The following TMEM230 variants were observed in gnomAD, a reference collection of about 807,000 sequenced individuals.
The protein encoded by TMEM230 is UPF0414 transmembrane protein C20orf30.
Under a neutral mutation model 15.8 loss-of-function variants are expected in TMEM230, and 10 were observed. That is an observed-to-expected ratio of 0.63 (90% confidence interval 0.39 to 1.07). The LOEUF is 1.07. Ranked by LOEUF, TMEM230 falls within the 50% of genes least tolerant of loss-of-function variation. The pLI, the probability that TMEM230 is intolerant of heterozygous loss-of-function variation, is 0.01. For missense variants in TMEM230, 165 were observed against 193.3 expected (o/e 0.85, Z 0.87); for synonymous variants, 67 against 76.9 (o/e 0.87, Z 0.68).
intron 3 of TMEM230, among the ~76,000 whole-genome samples, chr20:5,107,788 T>C (rs1310798034): frequency 1.4e-5 from 2 of 141,422 alleles, no homozygotes; most frequent in Non-Finnish European, 3.0e-5. Context: ...TACCCAAGCC[T>C]GGGCAAAAGA....
At chr20:5,090,048 T>G (rs1317572072) in intron 3 of TMEM230, among the ~76,000 whole-genome samples, 1 of 150,324 alleles carries the variant, frequency 6.7e-6, no homozygotes, top group Non-Finnish European at 1.5e-5. Context: ...ACAGAGGAGT[T>G]GAAAGAAAAA....
the TMEM230 span, among the ~76,000 whole-genome samples, chr20:5,061,597 G>C: frequency 6.6e-6 from 1 of 152,100 alleles, no homozygotes; most frequent in Non-Finnish European, 1.5e-5. Flanking sequence ...CCTTGCTCCT[G>C]TCCTTTTCCA....
At chr20:5,083,842 C>T (rs976727356) in intron 3 of TMEM230, among the ~76,000 whole-genome samples, 6 of 152,198 alleles carry the variant, frequency 3.9e-5, no homozygotes, top group Admixed American at 6.5e-5. Context: ...AATTTGGAGG[C>T]ATAAGATCTT....
At chr20:5,083,948 C>T (rs1342519283) in intron 3 of TMEM230, among the ~76,000 whole-genome samples, 1 of 152,050 alleles carries the variant, frequency 6.6e-6, no homozygotes, top group East Asian at 1.9e-4. Context: ...CTGACTATTT[C>T]GTCACCCAGG....
intron 4 of TMEM230, among the ~76,000 whole-genome samples, chr20:5,104,121 A>G (rs966117527): frequency 6.6e-6 from 1 of 152,262 alleles, no homozygotes; most frequent in Admixed American, 6.5e-5. Context: ...TCTCAAAAGA[A>G]GACATACAAA....
At chr20:5,106,074 G>GACAAAC (rs150372292) in intron 4 of TMEM230, 114 bp downstream of exon 3, 2 of 1,170,106 alleles carry the variant, frequency 1.7e-6, no homozygotes, top group Non-Finnish European at 2.3e-6. Context: ...CACTGGGACG[G>GACAAAC]ACAAACACAC....
At chr20:5,086,119 G>A (rs2089330351) in intron 3 of TMEM230, among the ~76,000 whole-genome samples, 1 of 152,034 alleles carries the variant, frequency 6.6e-6, no homozygotes, top group Non-Finnish European at 1.5e-5. Flanking sequence ...ATGCAGCTGG[G>A]TGCGGTGGCT....
chr20:5,101,654 T>G (rs1358485658), intron 4 of TMEM230, among the ~76,000 whole-genome samples: 5 of 152,084 alleles, frequency 3.3e-5, no homozygotes, highest in African/African-American at 1.2e-4. Context: ...TCTCGAACTC[T>G]GGGGCTCAAG....
intron 3 of TMEM230, among the ~76,000 whole-genome samples, chr20:5,084,336 G>A (rs2089271115): frequency 6.8e-6 from 1 of 147,838 alleles, no homozygotes; most frequent in African/African-American, 2.5e-5. Context: ...AGATTCTCCT[G>A]CCTCAGCCCC....
At position 5,106,526 on chromosome 20, in the gene TMEM230, C is replaced by G. The variant is rs545164012; in HGVS notation, c.289-216G>C. Among the ~76,000 whole-genome samples, 7 of 152,242 alleles carry G rather than the reference C, an allele frequency of 4.6e-5. No individual in the cohort carries two copies. The South Asian group carries it at 1.5e-3, about 32-fold the overall frequency. ...TCAAGTGATTCTCCTGTCTCAGCCT[C>G]CTGAGCAGCTGGGGTTACAGGTGCC... On this transcript the variant is annotated intron_variant, in intron 3 of 4. Coordinates refer to ENST00000342308, the MANE Select transcript of TMEM230 (RefSeq NM_001009923.2).
intron 4 of TMEM230, among the ~76,000 whole-genome samples, chr20:5,105,039 C>T (rs903869553): frequency 5.9e-5 from 9 of 152,260 alleles, no homozygotes; most frequent in African/African-American, 2.2e-4. Context: ...AATCCCAGCA[C>T]TTTAGGAGGC....
At chr20:5,110,082 T>C (rs2090252336) in intron 2 of TMEM230, among the ~76,000 whole-genome samples, 1 of 152,074 alleles carries the variant, frequency 6.6e-6, no homozygotes, top group Non-Finnish European at 1.5e-5. Context: ...TTGGAGACGG[T>C]GTCTTGCTTT....
At position 5,111,571 on chromosome 20, in the gene TMEM230, T is replaced by A; in HGVS notation, c.103A>T (p.Ser35Cys). 6.9e-6 allele frequency: 1 copy of A among 145,838 alleles called. No individual in the cohort carries two copies. The allele number at this position is 145,838 out of a possible 1,614,324, so 9.0% of individuals were successfully genotyped here. The change falls in exon 2 of 5, where the codon AGT becomes TGT. Residue 35 changes from serine (S) to cysteine (C), a missense_variant. Ser to Cys is a moderately radical substitution (Grantham distance 112). Coordinates refer to ENST00000342308, the MANE Select transcript of TMEM230 (RefSeq NM_001009923.2). The stretch of plus-strand genomic sequence containing the variant: ...TTGCAGTGAGCTGAGATCACACCAC[T>A]GGGCTCCAGCCTGGGCGACAGAACT...
downstream of TMEM230, among the ~76,000 whole-genome samples, chr20:5,065,223 G>C (rs993210911): frequency 1.3e-5 from 2 of 151,874 alleles, no homozygotes; most frequent in Non-Finnish European, 2.9e-5. Context: ...TTTGAGAACA[G>C]CCTAGGCAAC....
chr20:5,092,517 T>C (rs2089540057), intron 3 of TMEM230, among the ~76,000 whole-genome samples: 1 of 152,038 alleles, frequency 6.6e-6, no homozygotes, highest in African/African-American at 2.4e-5. Context: ...CGGGAGTTCA[T>C]GACCAGCCTG....
intron 3 of TMEM230, among the ~76,000 whole-genome samples, chr20:5,071,278 C>T (rs376372437): frequency 1.8e-4 from 28 of 152,188 alleles, no homozygotes; most frequent in African/African-American, 6.7e-4. Context: ...TGGGAATGGA[C>T]GTGTAGGGAC....
At chr20:5,079,879 C>T (rs1356517487) in intron 3 of TMEM230, among the ~76,000 whole-genome samples, 2 of 152,000 alleles carry the variant, frequency 1.3e-5, no homozygotes, top group Non-Finnish European at 2.9e-5. Context: ...CTCAGCTTCC[C>T]GAGTAGCTGG....
intron 1 of TMEM230, chr20:5,111,856 CT>C: frequency 2.4e-5 from 22 of 913,130 alleles, no homozygotes; most frequent in South Asian, 5.1e-5. Flanking sequence ...TTGGTGTTTT[CT>C]TTTTTTTGAG....
At chr20:5,081,864 C>CTTGTTTTT (rs2089185555) in intron 3 of TMEM230, among the ~76,000 whole-genome samples, 1 of 140,334 alleles carries the variant, frequency 7.1e-6, no homozygotes, top group African/African-American at 3.0e-5. Context: ...CACTGATTTT[C>CTTGTTTTT]TTTTTTTTCT....
Sources: allele counts gnomAD v4.1 joint callset (sites outside exome capture counted in the v4.1 genomes callset), GRCh38; gene constraint gnomAD v4.1.1; transcripts MANE v1.5; gene names NCBI Gene and HGNC (gene_info 2026-07-23, HGNC 2026-07-21).